IL1RAPL1: variants seen among roughly 807,000 people sequenced by gnomAD.
IL1RAPL1 encodes the protein interleukin 1 receptor accessory protein like 1, also known as interleukin-1 receptor accessory protein-like 1.
A neutral mutation model predicts 48.4 loss-of-function variants in IL1RAPL1; 3 were observed. The ratio of observed to expected loss-of-function variants is 0.06; its 90% CI spans 0.03 to 0.16. The LOEUF (loss-of-function observed/expected upper bound fraction) is 0.16. IL1RAPL1 is among the 10% of genes least tolerant of loss of function. The pLI, the probability that IL1RAPL1 is intolerant of heterozygous loss-of-function variation, is 1.00. For synonymous variants in IL1RAPL1, 185 were observed against 187.7 expected (o/e 0.99, Z 0.12); for missense variants, 349 against 530.6 (o/e 0.66, Z 3.36).
intron 2 of IL1RAPL1, among the ~76,000 whole-genome samples, chrX:29,259,548 A>G (rs1931815285): frequency 9.0e-6 from 1 of 111,345 alleles, no homozygotes; most frequent in Non-Finnish European, 1.9e-5. Flanking sequence ...TAGCTTAAAT[A>G]ACTATATGTC....
chrX:28,634,468 T>G (rs1045657495), intron 1 of IL1RAPL1, among the ~76,000 whole-genome samples: 3 of 109,524 alleles, frequency 2.7e-5, no homozygotes, highest in African/African-American at 6.6e-5. Context: ...TGTGTATATA[T>G]GTATATATGT....
intron 8 of IL1RAPL1, among the ~76,000 whole-genome samples, chrX:29,925,879 T>C (rs1347154011): frequency 8.9e-6 from 1 of 112,515 alleles, no homozygotes; most frequent in African/African-American, 3.2e-5. Context: ...AACAAGGCTA[T>C]TGATTGCCAC....
intron 3 of IL1RAPL1, among the ~76,000 whole-genome samples, chrX:29,288,767 G>A (rs1049806805): frequency 2.1e-4 from 24 of 111,912 alleles, no homozygotes; most frequent in African/African-American, 7.1e-4. Flanking sequence ...ACTAATTTAC[G>A]TTCCTACCCA....
chrX:29,644,773 G>T (rs915385174), intron 5 of IL1RAPL1, among the ~76,000 whole-genome samples: 1 of 112,023 alleles, frequency 8.9e-6, no homozygotes, highest in Admixed American at 9.5e-5. Flanking sequence ...CACCATGGCA[G>T]CCAGGCTGGT....
chrX:28,945,136 C>T, intron 2 of IL1RAPL1, among the ~76,000 whole-genome samples: 1 of 111,571 alleles, frequency 9.0e-6, no homozygotes, highest in South Asian at 3.7e-4. Flanking sequence ...AATAGGAATG[C>T]TTTTACACTG....
intron 2 of IL1RAPL1, among the ~76,000 whole-genome samples, chrX:29,078,296 C>CA (rs201738589): frequency 7.2e-5 from 8 of 110,431 alleles, no homozygotes; most frequent in South Asian, 3.7e-4. Flanking sequence ...CAAAACAAAA[C>CA]AAAAAAAACA....
chrX:28,885,075 T>A (rs1019706038), intron 2 of IL1RAPL1, among the ~76,000 whole-genome samples: 16 of 111,381 alleles, frequency 1.4e-4, no homozygotes, highest in Non-Finnish European at 2.3e-4. Flanking sequence ...AACACACAGA[T>A]ACAGCCAATT....
chrX:28,763,829 G>A (rs760574549), intron 1 of IL1RAPL1, among the ~76,000 whole-genome samples: 2 of 110,773 alleles, frequency 1.8e-5, no homozygotes, highest in African/African-American at 6.6e-5. Context: ...CCTTAATCTA[G>A]TATTCCTCCA....
At chrX:28,973,769 G>A (rs1172820112) in intron 2 of IL1RAPL1, among the ~76,000 whole-genome samples, 1 of 112,194 alleles carries the variant, frequency 8.9e-6, no homozygotes, top group Admixed American at 9.5e-5. Context: ...GTAACTGTGA[G>A]TGCCTTTAAA....
chrX:29,523,496 A>C (rs970491180), intron 5 of IL1RAPL1, among the ~76,000 whole-genome samples: 11 of 111,782 alleles, frequency 9.8e-5, no homozygotes, highest in African/African-American at 3.6e-4. Flanking sequence ...TTAATTTCCA[A>C]ATAGTAAAAG....
At chrX:28,659,172 G>T in intron 1 of IL1RAPL1, 1 of 673,202 alleles carries the variant, frequency 1.5e-6, no homozygotes, top group Non-Finnish European at 2.4e-6. Flanking sequence ...AGGCCAACCA[G>T]CTAGGCCTCA....
intron 1 of IL1RAPL1, among the ~76,000 whole-genome samples, chrX:28,720,286 A>G (rs1347189887): frequency 9.0e-6 from 1 of 111,283 alleles, no homozygotes; most frequent in Non-Finnish European, 1.9e-5. Context: ...TTGCTCACAC[A>G]TGCTCCTAAT....
chrX:29,863,495 A>C (rs886475315), intron 6 of IL1RAPL1, among the ~76,000 whole-genome samples: 24 of 111,857 alleles, frequency 2.1e-4, no homozygotes, highest in African/African-American at 6.8e-4. Flanking sequence ...AATAGAAATA[A>C]CATTATAAGG....
chrX:29,596,129 A>G (rs1230648993), intron 5 of IL1RAPL1, among the ~76,000 whole-genome samples: 1 of 111,765 alleles, frequency 8.9e-6, no homozygotes, highest in Non-Finnish European at 1.9e-5. Flanking sequence ...TTTGGTGACT[A>G]TGGCCTTATA....
chrX:28,898,773 G>A (rs1256388601), intron 2 of IL1RAPL1, among the ~76,000 whole-genome samples: 1 of 110,774 alleles, frequency 9.0e-6, no homozygotes, highest in Non-Finnish European at 1.9e-5. Flanking sequence ...AACTTCCTAG[G>A]TGATGCTGCT....
chrX:28,902,771 G>A (rs1284096364), intron 2 of IL1RAPL1, among the ~76,000 whole-genome samples: 2 of 111,610 alleles, frequency 1.8e-5, no homozygotes, highest in African/African-American at 6.5e-5. Context: ...ACACAGCAGA[G>A]TTGTGCAGTG....
chrX:28,901,593 G>C (rs893217183), intron 2 of IL1RAPL1, among the ~76,000 whole-genome samples: 1 of 111,164 alleles, frequency 9.0e-6, no homozygotes, highest in African/African-American at 3.3e-5. Flanking sequence ...AGAGTCTCTT[G>C]CCCACCATCT....
chrX:29,027,860 T>A (rs1467509707), intron 2 of IL1RAPL1, among the ~76,000 whole-genome samples: 2 of 111,376 alleles, frequency 1.8e-5, no homozygotes, highest in African/African-American at 3.3e-5. Context: ...TCTGTTAAGG[T>A]CTTTACTGCG....
chrX:29,022,851 C>T (rs937895676), intron 2 of IL1RAPL1, among the ~76,000 whole-genome samples: 4 of 111,777 alleles, frequency 3.6e-5, no homozygotes, highest in Non-Finnish European at 5.6e-5. Context: ...CTATAGGCTT[C>T]ATAGAAATAT....
Sources: gnomAD v4.1 joint callset for allele counts (sites outside exome capture counted in the v4.1 genomes callset) on GRCh38, gnomAD v4.1.1 for gene constraint, MANE v1.5 for transcripts, NCBI Gene and HGNC (gene_info 2026-07-23, HGNC 2026-07-21) for gene names.